The following AKAP9 variants were observed in gnomAD, a reference collection of about 807,000 sequenced individuals.
AKAP9 encodes the protein A-kinase anchoring protein 9, also known as A-kinase anchor protein 9.
Under a neutral mutation model 488.5 loss-of-function variants are expected in AKAP9, and 311 were observed. The ratio of observed to expected loss-of-function variants is 0.64; its 90% CI spans 0.58 to 0.70. AKAP9 has a LOEUF of 0.70. AKAP9 is among the 30% of genes least tolerant of loss of function. The probability of loss-of-function intolerance (pLI) is 0.00; values close to 1 mark genes in which losing one functional copy is unlikely to be tolerated. For synonymous variants in AKAP9, 1,462 were observed against 1,483.5 expected (o/e 0.99, Z 0.33); for missense variants, 4,215 against 4,374.5 (o/e 0.96, Z 1.03).
intron 28 of AKAP9, among the ~76,000 whole-genome samples, chr7:92,075,781 T>C (rs1812489202): frequency 6.6e-6 from 1 of 152,244 alleles, no homozygotes; most frequent in Admixed American, 6.5e-5. Context: ...CTGTTACTAC[T>C]AGTATTGATA....
At position 92,045,189 on chromosome 7, in the gene AKAP9, T is replaced by C. The variant is rs1806762572; in HGVS notation, c.5344T>C (p.Cys1782Arg). The C allele has an allele frequency of 6.2e-7, 1 of 1,613,840 alleles. No homozygotes were observed. The highest frequency in any genetic ancestry group is 8.5e-7 in the Non-Finnish European group (1 of 1,179,958). Residue 1782 changes from cysteine to arginine, a missense_variant, in exon 21 of 50, where the codon TGT becomes CGT. Transcript: ENST00000356239. ...RSEAEASVKS[C>R]VHEEHTRVTD... The stretch of plus-strand genomic sequence containing the variant: ...AGAAGCAGAGGCATCTGTAAAGTCA[T>C]GTGTCCATGAGGAACATACAAGAGG...
intron 1 of AKAP9, among the ~76,000 whole-genome samples, chr7:91,946,917 A>G (rs960033067): frequency 6.6e-6 from 1 of 152,202 alleles, no homozygotes; most frequent in African/African-American, 2.4e-5. Context: ...TGTCTACAAA[A>G]TATCTATTAT....
rs71528033 is a variant in AKAP9 at position 92,061,584 on chromosome 7, C to CTATATATATATATATATA, written c.5764+181_5764+198dup. On this transcript the variant is annotated intron_variant, in intron 23 of 49. Coordinates refer to ENST00000356239, the MANE Select transcript of AKAP9 (RefSeq NM_005751.5). ...GAGTTCCTCCAAGCAATTTTTAAAA[C>CTATATATATATATATATA]TATATATATATATATATATATATAT... is the stretch of plus-strand genomic sequence containing the variant. Among the ~76,000 whole-genome samples the CTATATATATATATATATA allele has an allele frequency of 4.4e-3, 454 of 102,344 alleles. 6 individuals are homozygous for CTATATATATATATATATA. Among genetic ancestry groups the CTATATATATATATATATA allele is most frequent in the East Asian group, 9.2e-3 (24 of 2,598 alleles). 67.1% of individuals were successfully genotyped at this position (102,344 alleles called of 152,430 possible).
At chr7:92,097,871 C>A in intron 42 of AKAP9, 77 bp downstream of exon 42, 1 of 1,426,704 alleles carries the variant, frequency 7.0e-7, no homozygotes, top group Non-Finnish European at 9.9e-7. Context: ...GGACAGCTAG[C>A]CAAGGGTGGG....
intron 1 of AKAP9, among the ~76,000 whole-genome samples, chr7:91,965,772 CTGATGA>C (rs1794369351): frequency 6.6e-6 from 1 of 152,174 alleles, no homozygotes; most frequent in Non-Finnish European, 1.5e-5. Flanking sequence ...TTGCAATTCT[CTGATGA>C]TTAGTAACAT....
chr7:92,052,299 A>T (rs1224458332), intron 21 of AKAP9, among the ~76,000 whole-genome samples: 1 of 152,094 alleles, frequency 6.6e-6, no homozygotes, highest in African/African-American at 2.4e-5. Flanking sequence ...GAAATGGCCT[A>T]CTCCACAATG....
intron 3 of AKAP9, among the ~76,000 whole-genome samples, chr7:91,986,268 C>T (rs1010319064): frequency 3.3e-5 from 5 of 152,164 alleles, no homozygotes; most frequent in African/African-American, 9.7e-5. Flanking sequence ...CAGTATTGGG[C>T]GGGAGTGTCC....
At chr7:91,955,340 C>G (rs1219854598) in intron 1 of AKAP9, among the ~76,000 whole-genome samples, 1 of 152,076 alleles carries the variant, frequency 6.6e-6, no homozygotes, top group East Asian at 1.9e-4. Flanking sequence ...AAAAGAACAC[C>G]TCTATACCTA....
intron 3 of AKAP9, among the ~76,000 whole-genome samples, chr7:91,991,472 CTTT>C (rs766603127): frequency 1.5e-5 from 2 of 135,846 alleles, no homozygotes; most frequent in African/African-American, 2.7e-5. Flanking sequence ...GGGAAGAACT[CTTT>C]TTTTTTTTTT....
intron 9 of AKAP9, 132 bp from the exon 10 acceptor site, chr7:92,014,117 A>G: frequency 2.8e-6 from 2 of 704,062 alleles, no homozygotes; most frequent in Non-Finnish European, 4.9e-6. Context: ...GCAATGGAAA[A>G]TAACTCAAAG....
At chr7:92,031,840 A>G (rs567881532) in intron 16 of AKAP9, among the ~76,000 whole-genome samples, 2 of 152,366 alleles carry the variant, frequency 1.3e-5, no homozygotes, top group African/African-American at 2.4e-5. Context: ...CAGAATGCCA[A>G]AACAAGTCTA....
At chr7:91,952,418 T>C (rs1792372796) in intron 1 of AKAP9, among the ~76,000 whole-genome samples, 1 of 152,092 alleles carries the variant, frequency 6.6e-6, no homozygotes, top group African/African-American at 2.4e-5. Flanking sequence ...AAATACACAA[T>C]GGGTAATATA....
At chr7:92,069,551 T>C (rs769843818) in intron 26 of AKAP9, among the ~76,000 whole-genome samples, 1 of 152,228 alleles carries the variant, frequency 6.6e-6, no homozygotes, top group Non-Finnish European at 1.5e-5. Context: ...AATGAAGATA[T>C]GTTTTATATG....
intron 24 of AKAP9, among the ~76,000 whole-genome samples, chr7:92,063,774 G>GT (rs1676095750): frequency 6.6e-6 from 1 of 151,992 alleles, no homozygotes; most frequent in African/African-American, 2.4e-5. Context: ...ATTTTTGTTT[G>GT]TTTGTTTGTC....
Position 92,034,648 on chromosome 7 carries a change from G to A in AKAP9, c.4338+3044G>A, listed in dbSNP as rs530465571. ...CTCAAGTAGCTGGGATTGCAGGCAC[G>A]CACCACCACACCCAGCTAATTTTTG... On this transcript the variant is annotated intron_variant, in intron 16 of 49. Coordinates refer to ENST00000356239, the MANE Select transcript of AKAP9 (RefSeq NM_005751.5). 4.0e-5 allele frequency among the ~76,000 whole-genome samples: 6 copies of A among 150,002 alleles called. No homozygotes were observed. In the South Asian group the frequency reaches 8.4e-4, roughly 21 times the overall value.
At chr7:92,078,116 C>T (rs1487216416) in intron 30 of AKAP9, among the ~76,000 whole-genome samples, 1 of 152,072 alleles carries the variant, frequency 6.6e-6, no homozygotes, top group African/African-American at 2.4e-5. Context: ...CCTGCCTCAG[C>T]CTCCCGAGTA....
chr7:91,979,514 A>G (rs764102607), intron 2 of AKAP9, among the ~76,000 whole-genome samples: 40 of 152,234 alleles, frequency 2.6e-4, no homozygotes, highest in Non-Finnish European at 4.3e-4. Flanking sequence ...GCCAAACCAT[A>G]TCAAGAGTAT....
At chr7:92,068,596 T>C (rs1425096487) in intron 26 of AKAP9, among the ~76,000 whole-genome samples, 1 of 151,884 alleles carries the variant, frequency 6.6e-6, no homozygotes, top group African/African-American at 2.4e-5. Context: ...ATGTGCATGT[T>C]TGATTTTTTT....
At chr7:92,064,148 ATG>A in intron 24 of AKAP9, among the ~76,000 whole-genome samples, 1 of 152,284 alleles carries the variant, frequency 6.6e-6, no homozygotes, top group Non-Finnish European at 1.5e-5. Context: ...AGTTTTTAAA[ATG>A]CTCCTTCTAA....
Sources: gnomAD v4.1 joint callset for allele counts (sites outside exome capture counted in the v4.1 genomes callset) on GRCh38, gnomAD v4.1.1 for gene constraint, MANE v1.5 for transcripts, NCBI Gene and HGNC (gene_info 2026-07-23, HGNC 2026-07-21) for gene names.